RSPO2: variants seen among roughly 807,000 people sequenced by gnomAD.
RSPO2 encodes the protein R-spondin-2.
Under a neutral mutation model 30.9 loss-of-function variants are expected in RSPO2, and 14 were observed. That is an observed-to-expected ratio of 0.45 (90% CI 0.30 to 0.71). The LOEUF is 0.71. Among genes scored for constraint, RSPO2 ranks in the 30% least tolerant of loss-of-function variants. RSPO2 has a pLI of 0.08. For missense variants in RSPO2, 264 were observed against 301.9 expected (o/e 0.87, Z 0.93); for synonymous variants, 107 against 96.4 (o/e 1.11, Z -0.64).
At chr8:108,011,932 A>G (rs1205602143) in intron 2 of RSPO2, among the ~76,000 whole-genome samples, 1 of 152,224 alleles carries the variant, frequency 6.6e-6, no homozygotes, top group African/African-American at 2.4e-5. Flanking sequence ...AAGTACACAG[A>G]GCTGAAAGAG....
chr8:108,042,700 T>C (rs16877097), intron 2 of RSPO2, among the ~76,000 whole-genome samples: 17,805 of 152,130 alleles, frequency 0.12, 1,356 homozygotes, highest in East Asian at 0.28. Context: ...GATTCACTAA[T>C]GGTAAGTGCA....
intron 2 of RSPO2, among the ~76,000 whole-genome samples, chr8:108,019,344 A>T (rs1334370447): frequency 6.6e-6 from 1 of 152,060 alleles, no homozygotes; most frequent in African/African-American, 2.4e-5. Context: ...ACAGACCAAG[A>T]CTCCAACTCA....
At chr8:107,906,015 AG>A (rs1811628296) in intron 5 of RSPO2, among the ~76,000 whole-genome samples, 1 of 152,056 alleles carries the variant, frequency 6.6e-6, no homozygotes, top group Admixed American at 6.6e-5. Flanking sequence ...GCCACTACAA[AG>A]ATCCTTAAAA....
At chr8:107,975,335 A>C (rs1814169513) in intron 3 of RSPO2, among the ~76,000 whole-genome samples, 1 of 152,236 alleles carries the variant, frequency 6.6e-6, no homozygotes, top group South Asian at 2.1e-4. Flanking sequence ...AAAACTGAAA[A>C]GCATTCCAGG....
intron 2 of RSPO2, among the ~76,000 whole-genome samples, chr8:108,077,120 T>TA (rs1813040223): frequency 1.3e-5 from 2 of 152,194 alleles, no homozygotes; most frequent in African/African-American, 4.8e-5. Context: ...AAAAGCGCTC[T>TA]AAAAAATAAG....
intron 5 of RSPO2, among the ~76,000 whole-genome samples, chr8:107,930,953 T>A (rs1367718362): frequency 6.6e-6 from 1 of 152,210 alleles, no homozygotes; most frequent in South Asian, 2.1e-4. Context: ...TTGCTTCTCA[T>A]CATTTAGGCA....
chr8:108,061,900 T>A (rs1267872248), intron 2 of RSPO2, among the ~76,000 whole-genome samples: 2 of 151,916 alleles, frequency 1.3e-5, no homozygotes, highest in Admixed American at 1.3e-4. Flanking sequence ...ACCGCTCAAC[T>A]ACATGGAAAC....
chr8:107,974,415 GAGAT>G (rs934847160), intron 3 of RSPO2, among the ~76,000 whole-genome samples: 4 of 152,192 alleles, frequency 2.6e-5, no homozygotes, highest in Non-Finnish European at 4.4e-5. Context: ...GGGAGGCTGA[GAGAT>G]AGGAGGATGG....
At chr8:108,055,825 C>G (rs1314768676) in intron 2 of RSPO2, among the ~76,000 whole-genome samples, 3 of 152,062 alleles carry the variant, frequency 2.0e-5, no homozygotes, top group Non-Finnish European at 4.4e-5. Flanking sequence ...GGCAATATGC[C>G]CAACATCTCC....
At position 107,933,472 on chromosome 8, in the gene RSPO2, C is replaced by T. The variant is rs951593357; in HGVS notation, c.616+24608G>A. Among the ~76,000 whole-genome samples, 3 of 152,162 alleles carry T rather than the reference C, an allele frequency of 2.0e-5. No homozygotes were observed. In the East Asian group the frequency reaches 5.8e-4, roughly 29 times the overall value. On this transcript the variant is annotated intron_variant, in intron 5 of 5. Transcript: ENST00000276659. The stretch of plus-strand genomic sequence containing the variant: ...TATATATAAATTTATCACCCTCTCT[C>T]TATATGTGTGTGTGTGTTTATGTAA...
intron 5 of RSPO2, among the ~76,000 whole-genome samples, chr8:107,911,478 C>T (rs765837403): frequency 5.3e-5 from 8 of 152,168 alleles, no homozygotes; most frequent in Non-Finnish European, 8.8e-5. Context: ...TTGGACTAGA[C>T]ACTTTTTCTA....
rs541016258 is a variant in RSPO2, at chr8:108,081,493, G to T, written c.94+1052C>A. On this transcript the variant is annotated intron_variant, in intron 2 of 5. Transcript: ENST00000276659. The stretch of plus-strand genomic sequence containing the variant: ...GAATGAAATAGACAGCTCTCACCAG[G>T]TCCCTGGGAAGGGGCTGCTGCGCGC... Among the ~76,000 whole-genome samples, 153 of 152,324 alleles carry T rather than the reference G, an allele frequency of 1.0e-3. No individual in the cohort carries two copies. The Middle Eastern group carries it at 0.01, about 10-fold the overall frequency.
chr8:108,048,883 G>T (rs566363230), intron 2 of RSPO2, among the ~76,000 whole-genome samples: 1 of 152,150 alleles, frequency 6.6e-6, no homozygotes, highest in South Asian at 2.1e-4. Flanking sequence ...TGTTCCCATT[G>T]GTTTCAAAGA....
At chr8:108,075,933 C>T (rs1004344325) in intron 2 of RSPO2, among the ~76,000 whole-genome samples, 4 of 151,876 alleles carry the variant, frequency 2.6e-5, no homozygotes, top group Admixed American at 6.6e-5. Context: ...ATAAATGTAC[C>T]GTAGTTCTGC....
chr8:108,003,241 GTA>G (rs1377091003), intron 2 of RSPO2, among the ~76,000 whole-genome samples: 31 of 37,878 alleles, frequency 8.2e-4, no homozygotes, highest in African/African-American at 2.3e-3. Flanking sequence ...GTGTATATAT[GTA>G]TGTATGTATG....
intron 2 of RSPO2, among the ~76,000 whole-genome samples, chr8:108,003,301 ATATATATATATTTTTTTTTT>A (rs1815330734): frequency 5.7e-4 from 14 of 24,614 alleles, no homozygotes; most frequent in African/African-American, 1.6e-3. Context: ...ATATATATAT[ATATATATATATTTTTTTTTT>A]TTTTTTTTTT....
rs191453457 is a variant in RSPO2, at chr8:107,940,676, G to A, written c.616+17404C>T. On this transcript the variant is annotated intron_variant, in intron 5 of 5. Coordinates refer to ENST00000276659, the MANE Select transcript of RSPO2 (RefSeq NM_178565.5). ...CCTGAAGTAGAGTCTAGCAAGCAAT[G>A]TAGATTCAAGTCCTCAAAAACCAAA... Among the ~76,000 whole-genome samples, 21 of 152,272 alleles carry A rather than the reference G, an allele frequency of 1.4e-4. No homozygotes were observed. In the East Asian group the frequency reaches 3.9e-3, roughly 28 times the overall value.
intron 4 of RSPO2, among the ~76,000 whole-genome samples, chr8:107,959,895 T>G (rs1042389310): frequency 2.6e-5 from 4 of 152,234 alleles, no homozygotes; most frequent in Non-Finnish European, 5.9e-5. Context: ...TCAACTTTTC[T>G]TCTAAGTCTC....
At chr8:108,065,116 C>T (rs568654583) in intron 2 of RSPO2, among the ~76,000 whole-genome samples, 1 of 151,740 alleles carries the variant, frequency 6.6e-6, no homozygotes, top group East Asian at 1.9e-4. Context: ...CCTATGTATA[C>T]ATATGTAACG....
Sources: allele counts gnomAD v4.1 joint callset (sites outside exome capture counted in the v4.1 genomes callset), GRCh38; gene constraint gnomAD v4.1.1; transcripts MANE v1.5; gene names NCBI Gene and HGNC (gene_info 2026-07-23, HGNC 2026-07-21).